Variants in CKAP5 observed in about 807,000 individuals in gnomAD.
CKAP5 encodes the protein cytoskeleton associated protein 5, also known as cytoskeleton-associated protein 5.
In CKAP5, 27 loss-of-function variants were observed where a neutral mutation model predicts 232.8. The ratio of observed to expected loss-of-function variants is 0.12; its 90% CI spans 0.09 to 0.16. The LOEUF is 0.16. CKAP5 is among the 10% of genes least tolerant of loss of function. The pLI, the probability that CKAP5 is intolerant of heterozygous loss-of-function variation, is 1.00. For missense variants in CKAP5, 1,838 were observed against 2,424.7 expected, an observed-to-expected ratio of 0.76 and a Z score of 5.08; for synonymous variants, 785 against 841.1, an observed-to-expected ratio of 0.93 and a Z score of 1.16.
intron 1 of CKAP5, among the ~76,000 whole-genome samples, chr11:46,824,849 G>A (rs999090594): frequency 2.0e-5 from 3 of 152,128 alleles, no homozygotes; most frequent in Admixed American, 6.6e-5. Context: ...CCAACAAAGA[G>A]AAGCATTAAG....
chr11:46,811,048 C>T lies in CKAP5; in HGVS notation c.589G>A (p.Asp197Asn). 6.2e-7 allele frequency: 1 copy of T among 1,614,068 alleles called. No homozygotes were observed. Among genetic ancestry groups the T allele is most frequent in the Non-Finnish European group, 8.5e-7 (1 of 1,179,974 alleles). Residue 197 changes from aspartate (D) to asparagine (N), a missense_variant, in exon 5 of 44, where the codon GAT (aspartate) becomes AAT (asparagine). Asp to Asn is a conservative substitution (Grantham distance 23). Coordinates refer to ENST00000529230, the MANE Select transcript of CKAP5 (RefSeq NM_001008938.4). ...TTTTGTAATGGGGGTCTCAGAGCAT[C>T]CCGAATCCATCTGTAAATCTCCACA... ...IAVEIYRWIR[D>N]ALRPPLQNIN...
In CKAP5 at chr11:46,769,968, G is replaced by A. The variant is rs745531745; in HGVS notation, c.3317C>T (p.Ala1106Val). Reference sequence around the variant, plus strand: ...CCTTCTTAAGATAGAGTTACCTGATGCAGGCTGGAATTTGGCTGGAGCGGA... The same window carrying A: ...CCTTCTTAAGATAGAGTTACCTGATACAGGCTGGAATTTGGCTGGAGCGGA... The part of the protein sequence containing the change: ...GGSAPAKFQP[A>V]SAPAEDCISS... Residue 1106 changes from alanine to valine, a missense_variant, in exon 26 of 44, where the codon GCA (alanine) becomes GTA (valine). Transcript: ENST00000529230. 8.1e-6 allele frequency: 13 copies of A among 1,613,972 alleles called. No homozygotes were observed. In the Admixed American group the frequency reaches 2.0e-4, roughly 25 times the overall value.
rs149387951 is a variant in CKAP5 at position 46,746,300 on chromosome 11, G to C, written c.5705-1723C>G. Among the ~76,000 whole-genome samples, 419 of 152,240 alleles carry C rather than the reference G, an allele frequency of 2.8e-3. 2 individuals carry two copies. The highest frequency in any genetic ancestry group is 9.6e-3 in the African/African-American group (397 of 41,534). On this transcript the variant is annotated intron_variant, in intron 42 of 43. Coordinates refer to ENST00000529230, the MANE Select transcript of CKAP5 (RefSeq NM_001008938.4). Reference sequence around the variant, plus strand: ...CTGAAACCTCCTAAGTCTTCTGTTTGTCTCTAGATCCTGTGAGCAGTAATT... The same window carrying C: ...CTGAAACCTCCTAAGTCTTCTGTTTCTCTCTAGATCCTGTGAGCAGTAATT...
chr11:46,787,157 C>CA lies in CKAP5; in HGVS notation c.1968+1523dup, dbSNP rs199963681. Among the ~76,000 whole-genome samples the CA allele has an allele frequency of 5.6e-3, 848 of 150,372 alleles. 6 individuals carry two copies. The highest frequency in any genetic ancestry group is 0.019 in the African/African-American group (798 of 41,032). On this transcript the variant is annotated intron_variant, in intron 16 of 43. Transcript: ENST00000529230. ...TGGACAACTGAGTGAAGCCCTTTCT[C>CA]AAAAAAAAAGAAGGTGGTGTGAGAG...
Position 46,799,560 on chromosome 11 carries a change from T to C in CKAP5, c.1084-1388A>G, listed in dbSNP as rs139103335. Among the ~76,000 whole-genome samples, 1,413 of 152,320 alleles carry C rather than the reference T, an allele frequency of 9.3e-3. 14 individuals are homozygous for C. Among genetic ancestry groups the C allele is most frequent in the Middle Eastern group, 0.024 (7 of 294 alleles). On this transcript the variant is annotated intron_variant, in intron 9 of 43. Transcript: ENST00000529230. ...AACATGCTTGATACTAAACACCGCATATATTACAGTATTAAGGTGGGGGAG... is the reference window on the plus strand; with the variant it reads ...AACATGCTTGATACTAAACACCGCACATATTACAGTATTAAGGTGGGGGAG...
intron 8 of CKAP5, among the ~76,000 whole-genome samples, chr11:46,803,912 T>G (rs1385944884): frequency 6.6e-6 from 1 of 152,242 alleles, no homozygotes. Flanking sequence ...ATGCTAGGCT[T>G]TATATTTAGC....
intron 25 of CKAP5, among the ~76,000 whole-genome samples, chr11:46,770,492 C>A (rs1370100624): frequency 6.6e-6 from 1 of 152,198 alleles, no homozygotes; most frequent in East Asian, 1.9e-4. Flanking sequence ...AGTGCAGTGG[C>A]ACGATCTCAG....
At chr11:46,799,307 A>G (rs947874100) in intron 9 of CKAP5, among the ~76,000 whole-genome samples, 2 of 152,186 alleles carry the variant, frequency 1.3e-5, no homozygotes, top group African/African-American at 4.8e-5. Flanking sequence ...GCAAAGCTCA[A>G]TGGCATCCAA....
chr11:46,762,784 G>C (rs2065166843), intron 30 of CKAP5, 22 bp from the exon 31 acceptor site: 1 of 1,610,740 alleles, frequency 6.2e-7, no homozygotes. Flanking sequence ...GGAAAATAAT[G>C]ATTAAGTGAG....
At chr11:46,822,676 G>A (rs1319342076) in intron 1 of CKAP5, among the ~76,000 whole-genome samples, 1 of 146,760 alleles carries the variant, frequency 6.8e-6, no homozygotes, top group Non-Finnish European at 1.5e-5. Context: ...GCGTGAACCC[G>A]AGAGGCGGAG....
At chr11:46,833,036 G>A (rs1033177727) in intron 1 of CKAP5, among the ~76,000 whole-genome samples, 1 of 151,988 alleles carries the variant, frequency 6.6e-6, no homozygotes, top group African/African-American at 2.4e-5. Context: ...GATAGTGTGA[G>A]GCTATTCGGT....
At chr11:46,747,520 T>C (rs2065031111) in intron 42 of CKAP5, among the ~76,000 whole-genome samples, 1 of 149,492 alleles carries the variant, frequency 6.7e-6, no homozygotes, top group Non-Finnish European at 1.5e-5. Flanking sequence ...GAGAATCTCT[T>C]AAGCCTGGGA....
intron 17 of CKAP5, among the ~76,000 whole-genome samples, chr11:46,783,597 G>GTT (rs66522172): frequency 1.4e-5 from 2 of 141,688 alleles, no homozygotes; most frequent in African/African-American, 2.6e-5. Context: ...GCATTATAAT[G>GTT]TTTTTTTTTT....
intron 30 of CKAP5, 40 bp from the exon 31 acceptor site, chr11:46,762,802 C>G: frequency 1.9e-6 from 3 of 1,600,562 alleles, no homozygotes; most frequent in Non-Finnish European, 2.6e-6. Flanking sequence ...GAGGCATTTC[C>G]TAAGTAGCAA....
chr11:46,743,824 C>CT lies in CKAP5; in HGVS notation c.*198dup. 3.1e-6 allele frequency: 2 copies of CT among 648,056 alleles called. No homozygotes were observed. Among genetic ancestry groups the CT allele is most frequent in the Middle Eastern group, 8.7e-4 (2 of 2,308 alleles). 40.1% of individuals were successfully genotyped at this position (648,056 alleles called of 1,614,324 possible). A position where few individuals can be genotyped will look rare whatever the true frequency, so the allele number is the denominator to read the frequency against. The stretch of plus-strand genomic sequence containing the variant: ...TACACTAAACTCATCCACGGACAGT[C>CT]TTCTAGAGCAGCAGGACGCTGACAG... On this transcript the variant is annotated 3_prime_UTR_variant, in exon 44 of 44. Coordinates refer to ENST00000529230, the MANE Select transcript of CKAP5 (RefSeq NM_001008938.4).
At chr11:46,744,800 T>C (rs1592426894) in intron 42 of CKAP5, among the ~76,000 whole-genome samples, 1 of 152,254 alleles carries the variant, frequency 6.6e-6, no homozygotes, top group Non-Finnish European at 1.5e-5. Context: ...AGAATGTAAA[T>C]TGGGTCATCC....
At chr11:46,818,654 G>A in intron 2 of CKAP5, 151 bp from the exon 3 acceptor site, 1 of 564,360 alleles carries the variant, frequency 1.8e-6, no homozygotes, top group South Asian at 4.9e-5. Flanking sequence ...TGAAAAAAGA[G>A]TTTAAGAAAT....
chr11:46,790,631 A>G (rs1938697681), intron 13 of CKAP5, 48 bp from the exon 14 acceptor site: 1 of 1,286,386 alleles, frequency 7.8e-7, no homozygotes, highest in South Asian at 1.3e-5. Context: ...AGGATTTAAA[A>G]TAGTGGAGTT....
Position 46,759,437 on chromosome 11 carries a change from G to A in CKAP5, c.4400C>T (p.Ala1467Val). The A allele has an allele frequency of 6.2e-7, 1 of 1,612,702 alleles. No homozygotes were observed. Among genetic ancestry groups the A allele is most frequent in the Non-Finnish European group, 8.5e-7 (1 of 1,179,542 alleles). The part of the protein sequence containing the change: ...AEDMSSKLNQ[A>V]RSMSGHPEAA... ...CTCAGGATGCCCACTCATGCTTCGG[G>A]CTTGGCTAAGGGAAGCAAAAGGAGG... The change falls in exon 34 of 44, where the codon GCC (alanine) becomes GTC (valine). Residue 1467 changes from alanine to valine, a missense_variant. Coordinates refer to ENST00000529230, the MANE Select transcript of CKAP5 (RefSeq NM_001008938.4).
Sources: gnomAD v4.1 joint callset for allele counts (sites outside exome capture counted in the v4.1 genomes callset) on GRCh38, gnomAD v4.1.1 for gene constraint, MANE v1.5 for transcripts, NCBI Gene and HGNC (gene_info 2026-07-23, HGNC 2026-07-21) for gene names.